The following COL4A3 variants were observed in gnomAD, a reference collection of about 807,000 sequenced individuals.
The protein encoded by COL4A3 is collagen alpha-3(IV) chain.
Under a neutral mutation model 217.4 loss-of-function variants are expected in COL4A3, and 135 were observed. That is an observed-to-expected ratio of 0.62 (90% CI 0.54 to 0.72). The LOEUF is 0.72. Among genes scored for constraint, COL4A3 ranks in the 30% least tolerant of loss-of-function variants. The probability of loss-of-function intolerance (pLI) is 0.00; values close to 1 mark genes in which losing one functional copy is unlikely to be tolerated. For synonymous variants in COL4A3, 690 were observed against 736.3 expected, an observed-to-expected ratio of 0.94 and a Z score of 1.02; for missense variants, 1,868 against 2,119.9, an observed-to-expected ratio of 0.88 and a Z score of 2.33.
At chr2:227,238,532 A>G (rs539364789) in intron 2 of COL4A3, among the ~76,000 whole-genome samples, 41 of 152,348 alleles carry the variant, frequency 2.7e-4, no homozygotes, top group Non-Finnish European at 4.0e-4. Context: ...AATTCAAGAA[A>G]AAAAGGAATG....
At position 227,175,937 on chromosome 2, in the gene COL4A3, G is replaced by A. The variant is rs80327875; in HGVS notation, c.87+11124G>A. 9.6e-3 allele frequency among the ~76,000 whole-genome samples: 1,457 copies of A among 152,220 alleles called. 63 individuals are homozygous for A. Among genetic ancestry groups the A allele is most frequent in the East Asian group, 0.058 (298 of 5,178 alleles). On this transcript the variant is annotated intron_variant, in intron 1 of 51. Coordinates refer to ENST00000396578, the MANE Select transcript of COL4A3 (RefSeq NM_000091.5). ...CATTCCTGTTGACATATCTCTGCCC[G>A]TCTTTCTTCAGTCTCATTGGGATAG...
chr2:227,302,375 A>AGATTATAAT (rs1165522055), intron 43 of COL4A3, among the ~76,000 whole-genome samples: 1 of 152,180 alleles, frequency 6.6e-6, no homozygotes, highest in East Asian at 1.9e-4. Flanking sequence ...TTATAAATAC[A>AGATTATAAT]GATTATAATT....
chr2:227,249,427 G>A (rs185981815), intron 9 of COL4A3, among the ~76,000 whole-genome samples: 2,812 of 149,690 alleles, frequency 0.019, 88 homozygotes, highest in African/African-American at 0.066. Context: ...GTAGAGATGG[G>A]GTTTCACCAT....
chr2:227,209,795 T>C (rs2067244213), intron 1 of COL4A3, among the ~76,000 whole-genome samples: 1 of 152,018 alleles, frequency 6.6e-6, no homozygotes, highest in Non-Finnish European at 1.5e-5. Context: ...TGAGCTGAGA[T>C]CGTGCCATTG....
intron 1 of COL4A3, among the ~76,000 whole-genome samples, chr2:227,225,709 C>CTTTTTTTTT (rs71829862): frequency 7.1e-5 from 9 of 126,244 alleles, no homozygotes; most frequent in Non-Finnish European, 1.2e-4. Flanking sequence ...CTTTTTCTTT[C>CTTTTTTTTT]TTTTTTTTTT....
chr2:227,279,675 A>G (rs2071821024), intron 28 of COL4A3, 118 bp from the exon 29 acceptor site: 1 of 702,596 alleles, frequency 1.4e-6, no homozygotes, highest in African/African-American at 1.8e-5. Context: ...AGTTGGTTTT[A>G]TTATCATTTA....
At chr2:227,274,371 C>A (rs1045246399) in intron 26 of COL4A3, among the ~76,000 whole-genome samples, 1 of 152,042 alleles carries the variant, frequency 6.6e-6, no homozygotes, top group East Asian at 1.9e-4. Context: ...CACAACCTTA[C>A]ATTATATGTT....
At chr2:227,248,099 C>T (rs998029512) in intron 8 of COL4A3, among the ~76,000 whole-genome samples, 1 of 152,082 alleles carries the variant, frequency 6.6e-6, no homozygotes, top group Non-Finnish European at 1.5e-5. Context: ...GCCACCACGC[C>T]CAGCTAATTC....
chr2:227,297,722 G>T lies in COL4A3; in HGVS notation c.3614G>T (p.Arg1205Ile). 1 of 1,608,630 alleles carries T rather than the reference G, an allele frequency of 6.2e-7. No homozygotes were observed. The highest frequency in any genetic ancestry group is 1.1e-5 in the South Asian group (1 of 89,244). The change falls in exon 42 of 52, where the codon AGA becomes ATA. Residue 1205 changes from arginine (R) to isoleucine (I), a missense_variant. Physicochemically the swap from Arg to Ile is moderately conservative, Grantham distance 97. This residue lies in a region of COL4A3 where 1,503 missense variants were observed against 1,786.1 expected (regional missense o/e 0.84). Transcript: ENST00000396578. ...CCAGGTTTTCCTGGCCTCCCGGGCA[G>T]AAAAGGGGCCATGGGAGATGCTGGA... ...GAPGFPGLPG[R>I]KGAMGDAGPR...
At chr2:227,287,194 G>A (rs2072382321) in intron 34 of COL4A3, among the ~76,000 whole-genome samples, 1 of 152,218 alleles carries the variant, frequency 6.6e-6, no homozygotes, top group Non-Finnish European at 1.5e-5. Flanking sequence ...AGCCCTTTGG[G>A]AGGCCGAGGC....
intron 1 of COL4A3, among the ~76,000 whole-genome samples, chr2:227,184,241 C>G (rs1649635132): frequency 6.6e-6 from 1 of 152,096 alleles, no homozygotes; most frequent in African/African-American, 2.4e-5. Flanking sequence ...ATGGGTGAAC[C>G]CTGGCTAGGA....
intron 1 of COL4A3, among the ~76,000 whole-genome samples, chr2:227,206,119 G>T (rs1400938591): frequency 1.2e-4 from 18 of 152,028 alleles, no homozygotes; most frequent in African/African-American, 1.9e-4. Context: ...TGTTGCCCAG[G>T]CTGAAGTGCA....
chr2:227,248,215 C>G (rs1184256841), intron 8 of COL4A3: 3 of 449,104 alleles, frequency 6.7e-6, no homozygotes, highest in South Asian at 2.0e-5. Context: ...GCTGGGATTA[C>G]AGGCATGTGC....
At chr2:227,284,729 C>A (rs931697589) in intron 34 of COL4A3, among the ~76,000 whole-genome samples, 1 of 152,190 alleles carries the variant, frequency 6.6e-6, no homozygotes, top group Non-Finnish European at 1.5e-5. Context: ...TCAAATTCAA[C>A]TTTATTCTGT....
At chr2:227,303,788 A>G (rs1261078850) in intron 44 of COL4A3, 71 bp from the exon 45 acceptor site, 19 of 1,438,826 alleles carry the variant, frequency 1.3e-5, no homozygotes, top group African/African-American at 4.2e-5. Flanking sequence ...CTTAGAGTCA[A>G]TCATCAACCT....
chr2:227,237,791 T>C, intron 1 of COL4A3, 177 bp from the exon 2 acceptor site: 1 of 589,972 alleles, frequency 1.7e-6, no homozygotes, highest in Non-Finnish European at 3.2e-6. Context: ...AGTTTTCTAC[T>C]TTATTGCTAT....
Position 227,272,995 on chromosome 2 carries a change from G to A in COL4A3, c.1805G>A (p.Gly602Asp), listed in dbSNP as rs2071333211. The A allele has an allele frequency of 1.9e-6, 3 of 1,614,062 alleles. No individual in the cohort carries two copies. The highest frequency in any genetic ancestry group is 2.5e-6 in the Non-Finnish European group (3 of 1,179,984). ...GACCAAGGTCCTCCAGGGGATCCTG[G>A]CTCCCCTGGGTCCCCAGGACCTGCA... ...KGDQGPPGDP[G>D]SPGSPGPAGP... The change falls in exon 26 of 52, where the codon GGC (glycine) becomes GAC (aspartate). Residue 602 changes from glycine (G) to aspartate (D), a missense_variant. Physicochemically the swap from Gly to Asp is moderately conservative, Grantham distance 94. Coordinates refer to ENST00000396578, the MANE Select transcript of COL4A3 (RefSeq NM_000091.5).
At chr2:227,242,790 C>T (rs935795247) in intron 3 of COL4A3, among the ~76,000 whole-genome samples, 4 of 152,160 alleles carry the variant, frequency 2.6e-5, no homozygotes, top group African/African-American at 9.7e-5. Context: ...ATATATGATG[C>T]CAGAATCAAA....
chr2:227,272,478 A>G (rs1298946578), intron 25 of COL4A3, among the ~76,000 whole-genome samples: 2 of 152,256 alleles, frequency 1.3e-5, no homozygotes, highest in African/African-American at 4.8e-5. Context: ...TTTCAAGGTT[A>G]TAGCATATGA....
Sources: gnomAD v4.1 joint callset for allele counts (sites outside exome capture counted in the v4.1 genomes callset) on GRCh38, gnomAD v4.1.1 for gene constraint, gnomAD v4.1.1 regional missense constraint, MANE v1.5 for transcripts, NCBI Gene and HGNC (gene_info 2026-07-23, HGNC 2026-07-21) for gene names.